The following PKNOX1 variants were observed in gnomAD, a reference collection of about 807,000 sequenced individuals.
PKNOX1 encodes the protein homeobox protein PKNOX1.
PKNOX1 carries 15 observed loss-of-function variants against 51.9 expected under a neutral mutation model. The ratio of observed to expected loss-of-function variants is 0.29; its 90% CI spans 0.19 to 0.45. The LOEUF (loss-of-function observed/expected upper bound fraction) is 0.45. Ranked by LOEUF, PKNOX1 falls within the 20% of genes least tolerant of loss-of-function variation. The probability of loss-of-function intolerance (pLI) is 1.00; values close to 1 mark genes in which losing one functional copy is unlikely to be tolerated. For missense variants in PKNOX1, 462 were observed against 547.5 expected, an observed-to-expected ratio of 0.84 and a Z score of 1.56; for synonymous variants, 219 against 211.1, an observed-to-expected ratio of 1.04 and a Z score of -0.32.
In PKNOX1 at chr21:43,028,278, C is replaced by A. The variant is rs527754622; in HGVS notation, c.927-424C>A. Among the ~76,000 whole-genome samples, 150 of 152,322 alleles carry A rather than the reference C, an allele frequency of 9.8e-4. 1 individual carries two copies. The highest frequency in any genetic ancestry group is 1.8e-3 in the Non-Finnish European group (123 of 68,022). ...GCCCCGTTGGTGATCTGGTGACGTC[C>A]AGACGAGTGCAGACTGCCCGATCGT... On this transcript the variant is annotated intron_variant, in intron 9 of 10. Transcript: ENST00000291547.
chr21:43,016,385 C>T (rs1979489484), intron 5 of PKNOX1, among the ~76,000 whole-genome samples: 1 of 152,222 alleles, frequency 6.6e-6, no homozygotes, highest in African/African-American at 2.4e-5. Flanking sequence ...CAAGATCACA[C>T]TTAGTCCGTG....
intron 4 of PKNOX1, among the ~76,000 whole-genome samples, chr21:43,012,687 A>C (rs1979307155): frequency 6.6e-6 from 1 of 152,268 alleles, no homozygotes; most frequent in African/African-American, 2.4e-5. Context: ...GCACTAGCCT[A>C]GGGTGAGTGT....
chr21:42,981,552 ATTTAAT>A (rs1219118821), intron 1 of PKNOX1, among the ~76,000 whole-genome samples: 1 of 151,370 alleles, frequency 6.6e-6, no homozygotes, highest in Middle Eastern at 3.5e-3. Flanking sequence ...TATTTATTTT[ATTTAAT>A]TTTAATTTTA....
intron 1 of PKNOX1, among the ~76,000 whole-genome samples, chr21:42,995,067 G>A (rs1344203010): frequency 2.6e-5 from 4 of 151,836 alleles, no homozygotes; most frequent in African/African-American, 9.7e-5. Context: ...GATTACAGGT[G>A]CCTGCCACCA....
At chr21:43,000,394 G>A (rs1338054962) in intron 1 of PKNOX1, among the ~76,000 whole-genome samples, 2 of 152,190 alleles carry the variant, frequency 1.3e-5, no homozygotes, top group Non-Finnish European at 2.9e-5. Flanking sequence ...CGGAAGGCAA[G>A]GAAAAGCAAA....
At chr21:43,009,376 C>T (rs1245088309) in intron 3 of PKNOX1, among the ~76,000 whole-genome samples, 1 of 151,878 alleles carries the variant, frequency 6.6e-6, no homozygotes. Context: ...ACCCGAGAGG[C>T]GGAGGTTGTG....
intron 1 of PKNOX1, among the ~76,000 whole-genome samples, chr21:42,992,668 T>C (rs2059093123): frequency 6.6e-6 from 1 of 152,204 alleles, no homozygotes; most frequent in African/African-American, 2.4e-5. Flanking sequence ...AGAGCACACG[T>C]GCAGACTCCA....
At chr21:43,024,837 G>A (rs1254645408) in intron 8 of PKNOX1, 34 bp from the exon 9 acceptor site, 5 of 1,359,898 alleles carry the variant, frequency 3.7e-6, no homozygotes, top group South Asian at 2.4e-5. Flanking sequence ...TTGTAAACTC[G>A]AAGGCCATGG....
chr21:43,028,847 C>T lies in PKNOX1; in HGVS notation c.1072C>T (p.Pro358Ser), dbSNP rs1395929948. The T allele has an allele frequency of 2.5e-6, 4 of 1,614,154 alleles. No individual in the cohort carries two copies. The South Asian group carries it at 3.3e-5, about 13-fold the overall frequency. ...TATTGCATCAGGAGTCGCACAGCCACCGCCGAGCGAGCTCACCATGTCGGA... is the reference window on the plus strand; with the variant it reads ...TATTGCATCAGGAGTCGCACAGCCATCGCCGAGCGAGCTCACCATGTCGGA... ...DSIASGVAQP[P>S]PSELTMSEGA... is the part of the protein sequence containing the mutation. The change falls in exon 10 of 11, where the codon CCG (proline) becomes TCG (serine). Residue 358 changes from proline to serine, a missense_variant. Transcript: ENST00000291547.
Position 43,011,617 on chromosome 21 carries a change from A to C in PKNOX1, c.351+1393A>C, listed in dbSNP as rs1359488814. ...GTGTTTACTTCTCAGAGCTGGGTAC[A>C]CAAAGATCCGGCATCAGGGAACCTT... On this transcript the variant is annotated intron_variant, in intron 4 of 10. Coordinates refer to ENST00000291547, the MANE Select transcript of PKNOX1 (RefSeq NM_004571.5). Among the ~76,000 whole-genome samples the C allele has an allele frequency of 2.0e-5, 3 of 152,218 alleles. No homozygotes were observed. In the East Asian group the frequency reaches 5.8e-4, roughly 29 times the overall value.
chr21:43,011,238 T>G lies in PKNOX1; in HGVS notation c.351+1014T>G, dbSNP rs191793416. Among the ~76,000 whole-genome samples the G allele has an allele frequency of 9.2e-5, 14 of 152,026 alleles. 1 individual carries two copies. In the East Asian group the frequency reaches 2.3e-3, roughly 25 times the overall value. ...ACCCGCCACCACGCCCGGCTAATTT[T>G]TTTTGTATTTTTAGTAGAGACGGGA... On this transcript the variant is annotated intron_variant, in intron 4 of 10. Transcript: ENST00000291547.
At chr21:43,029,868 A>T (rs560103391) in intron 10 of PKNOX1, 22 bp from the exon 11 acceptor site, 1 of 1,598,940 alleles carries the variant, frequency 6.3e-7, no homozygotes, top group South Asian at 1.1e-5. Flanking sequence ...TTAAATAATG[A>T]CACACCTTCA....
intron 1 of PKNOX1, among the ~76,000 whole-genome samples, chr21:42,999,831 T>A (rs1261597904): frequency 6.6e-6 from 1 of 152,178 alleles, no homozygotes; most frequent in Non-Finnish European, 1.5e-5. Flanking sequence ...AAACTTTCAT[T>A]CTCTGCTTAC....
At chr21:43,006,281 G>A (rs565938165) in intron 2 of PKNOX1, among the ~76,000 whole-genome samples, 2 of 151,906 alleles carry the variant, frequency 1.3e-5, no homozygotes, top group African/African-American at 4.8e-5. Context: ...GTGCCACCAC[G>A]CCCAGCTAAT....
In PKNOX1 at chr21:42,980,857, G is replaced by A. The variant is rs149734854; in HGVS notation, c.-57+6193G>A. Among the ~76,000 whole-genome samples the A allele has an allele frequency of 4.1e-4, 62 of 152,284 alleles. 1 individual carries two copies. The East Asian group carries it at 0.012, about 29-fold the overall frequency. The stretch of plus-strand genomic sequence containing the variant: ...TGTCTGCCTTTGTAATTGAAGGAGT[G>A]CTACATTTCAGCTAGAAGTTTTTGC... On this transcript the variant is annotated intron_variant, in intron 1 of 10. Coordinates refer to ENST00000291547, the MANE Select transcript of PKNOX1 (RefSeq NM_004571.5).
chr21:43,022,355 C>T (rs377019184), intron 8 of PKNOX1, among the ~76,000 whole-genome samples: 4 of 152,324 alleles, frequency 2.6e-5, no homozygotes, highest in Admixed American at 6.5e-5. Flanking sequence ...CCCCTGAGCC[C>T]GTAGCCATCT....
In PKNOX1 at chr21:43,032,912, G is replaced by A. The variant is rs2839629; in HGVS notation, c.*2811G>A. On this transcript the variant is annotated 3_prime_UTR_variant, in exon 11 of 11. Coordinates refer to ENST00000291547, the MANE Select transcript of PKNOX1 (RefSeq NM_004571.5). ...CAAAATCACTGCCCAGCATGTTTGA[G>A]GTCAGTTGGCACCTTAAAACACCTG... The A allele has an allele frequency of 0.49, 74,881 of 152,092 alleles. 18,925 individuals are homozygous for A. The highest frequency in any genetic ancestry group is 0.65 in the East Asian group (3,369 of 5,174). The allele number at this position is 152,092 out of a possible 1,614,324, so 9.4% of individuals were successfully genotyped here.
chr21:42,985,462 G>A (rs1443330941), intron 1 of PKNOX1, among the ~76,000 whole-genome samples: 1 of 151,942 alleles, frequency 6.6e-6, no homozygotes, highest in Non-Finnish European at 1.5e-5. Context: ...AGCCTCCTGA[G>A]TAGCTGGGAT....
chr21:42,977,391 C>A (rs1443610654), intron 1 of PKNOX1, among the ~76,000 whole-genome samples: 1 of 152,152 alleles, frequency 6.6e-6, no homozygotes, highest in Non-Finnish European at 1.5e-5. Context: ...TTTCGTCTCG[C>A]TGCCTTCATC....
Sources: gnomAD v4.1 joint callset for allele counts (sites outside exome capture counted in the v4.1 genomes callset) on GRCh38, gnomAD v4.1.1 for gene constraint, MANE v1.5 for transcripts, NCBI Gene and HGNC (gene_info 2026-07-23, HGNC 2026-07-21) for gene names.